DOCK3: variants seen among roughly 807,000 people sequenced by gnomAD.
DOCK3 encodes dedicator of cytokinesis 3, also known as dedicator of cytokinesis protein 3.
Under a neutral mutation model 265.6 loss-of-function variants are expected in DOCK3, and 60 were observed. The ratio of observed to expected loss-of-function variants is 0.23; its 90% CI spans 0.18 to 0.28. The LOEUF is 0.28. DOCK3 is among the 10% of genes least tolerant of loss of function. The probability of loss-of-function intolerance (pLI) is 1.00; values close to 1 mark genes in which losing one functional copy is unlikely to be tolerated. For missense variants in DOCK3, 1,981 were observed against 2,594.3 expected (o/e 0.76, Z 5.14); for synonymous variants, 881 against 938.0 (o/e 0.94, Z 1.11).
At chr3:51,247,462 AAAACAAAC>A (rs371138652) in intron 22 of DOCK3, among the ~76,000 whole-genome samples, 9 of 152,294 alleles carry the variant, frequency 5.9e-5, no homozygotes, top group Admixed American at 2.6e-4. Context: ...TTCTGCTGTT[AAAACAAAC>A]AAACAAACAA....
intron 1 of DOCK3, among the ~76,000 whole-genome samples, chr3:50,740,745 T>C (rs2038964743): frequency 6.6e-6 from 1 of 152,178 alleles, no homozygotes; most frequent in Non-Finnish European, 1.5e-5. Flanking sequence ...AATTTATTTG[T>C]CATGCATTTT....
rs761363976 is a variant in DOCK3 at position 50,912,724 on chromosome 3, GCCACAGGC to G, written c.219-21241_219-21234del. 4.6e-5 allele frequency among the ~76,000 whole-genome samples: 7 copies of G among 151,698 alleles called. 1 individual carries two copies. Among genetic ancestry groups the G allele is most frequent in the African/African-American group, 1.7e-4 (7 of 41,242 alleles). On this transcript the variant is annotated intron_variant, in intron 4 of 52. Transcript: ENST00000266037. ...GAAACCTCACCCTGTAGCCACTGCT[GCCACAGGC>G]CCACAGGCCCACAGGGAGTACTGCC...
intron 1 of DOCK3, among the ~76,000 whole-genome samples, chr3:50,709,199 C>T (rs1160303698): frequency 1.3e-5 from 2 of 152,094 alleles, no homozygotes; most frequent in Non-Finnish European, 2.9e-5. Flanking sequence ...GGATTGTTCC[C>T]TGCTAATTTA....
rs147112955 is a variant in DOCK3, at chr3:50,796,311, G to A, written c.121+17553G>A. On this transcript the variant is annotated intron_variant, in intron 2 of 52. Transcript: ENST00000266037. ...CTCCCAAAGTGCTGGGATTACAGGC[G>A]TGAGCCACCATGCCCAGCCATTTTT... Among the ~76,000 whole-genome samples, 629 of 151,832 alleles carry A rather than the reference G, an allele frequency of 4.1e-3. 34 individuals carry two copies. The East Asian group carries it at 0.093, about 23-fold the overall frequency.
intron 1 of DOCK3, among the ~76,000 whole-genome samples, chr3:50,725,171 T>C (rs549092740): frequency 6.6e-6 from 1 of 152,260 alleles, no homozygotes; most frequent in South Asian, 2.1e-4. Context: ...GAAGAATGAA[T>C]AATAACAACA....
At chr3:51,267,478 G>A (rs998346851) in intron 23 of DOCK3, among the ~76,000 whole-genome samples, 14 of 149,604 alleles carry the variant, frequency 9.4e-5, no homozygotes, top group African/African-American at 3.0e-4. Context: ...TCCACCTCCC[G>A]TGTTCAAGTG....
chr3:51,040,545 G>A (rs1264349178), intron 5 of DOCK3, among the ~76,000 whole-genome samples: 1 of 152,102 alleles, frequency 6.6e-6, no homozygotes, highest in Non-Finnish European at 1.5e-5. Context: ...GGTGATTACT[G>A]AAGGTTGGTG....
chr3:51,366,302 T>G (rs926900236), intron 49 of DOCK3, among the ~76,000 whole-genome samples: 1 of 152,216 alleles, frequency 6.6e-6, no homozygotes, highest in Non-Finnish European at 1.5e-5. Context: ...TCTCTGATGG[T>G]AGTTTGTATT....
chr3:51,187,554 C>T (rs1421182253), intron 12 of DOCK3, among the ~76,000 whole-genome samples: 2 of 151,922 alleles, frequency 1.3e-5, no homozygotes, highest in African/African-American at 4.8e-5. Context: ...TTTGGAGGAG[C>T]CAAGGGTAGA....
chr3:51,190,147 G>T (rs1010123840), intron 12 of DOCK3, among the ~76,000 whole-genome samples: 1 of 152,170 alleles, frequency 6.6e-6, no homozygotes, highest in Admixed American at 6.5e-5. Context: ...CTGCCATCTG[G>T]ATTCTTTTGT....
intron 4 of DOCK3, among the ~76,000 whole-genome samples, chr3:50,902,192 G>A (rs868554902): frequency 2.0e-4 from 31 of 152,058 alleles, no homozygotes; most frequent in Middle Eastern, 3.2e-3. Context: ...AGTTTAATTA[G>A]ATCCCATCTG....
chr3:51,177,656 G>A (rs951660250), intron 12 of DOCK3, among the ~76,000 whole-genome samples: 1 of 152,202 alleles, frequency 6.6e-6, no homozygotes, highest in Non-Finnish European at 1.5e-5. Flanking sequence ...ATCCATATCA[G>A]TTACAACAGT....
intron 4 of DOCK3, among the ~76,000 whole-genome samples, chr3:50,910,194 T>C (rs1302378673): frequency 6.6e-6 from 1 of 152,088 alleles, no homozygotes; most frequent in Non-Finnish European, 1.5e-5. Flanking sequence ...AGTTCATTAT[T>C]ACCCACCTCC....
intron 2 of DOCK3, among the ~76,000 whole-genome samples, chr3:50,806,233 A>G (rs2043405613): frequency 6.6e-6 from 1 of 151,950 alleles, no homozygotes; most frequent in Non-Finnish European, 1.5e-5. Context: ...CAGGTCTGGG[A>G]TGCAGGTGTA....
chr3:51,049,960 A>G (rs2080931541), intron 5 of DOCK3, among the ~76,000 whole-genome samples: 1 of 152,224 alleles, frequency 6.6e-6, no homozygotes, highest in South Asian at 2.1e-4. Flanking sequence ...TCCCATTTAC[A>G]ATAGCATCAA....
intron 22 of DOCK3, among the ~76,000 whole-genome samples, chr3:51,259,707 A>G (rs1467787463): frequency 2.0e-5 from 3 of 152,210 alleles, no homozygotes; most frequent in Non-Finnish European, 2.9e-5. Flanking sequence ...TTAAAGATGT[A>G]GGAGACTCCT....
At chr3:51,216,980 C>G (rs920491353) in intron 14 of DOCK3, among the ~76,000 whole-genome samples, 6 of 152,104 alleles carry the variant, frequency 3.9e-5, no homozygotes, top group African/African-American at 1.2e-4. Flanking sequence ...ATCTTCTTGA[C>G]CCATGAACAC....
intron 1 of DOCK3, among the ~76,000 whole-genome samples, chr3:50,680,512 CTT>C (rs3066820): frequency 0.84 from 61,469 of 73,372 alleles, 25,646 homozygotes; most frequent in East Asian, 0.93. Flanking sequence ...CCGTGCCCTG[CTT>C]TTTTTTTTTT....
chr3:51,077,306 T>A (rs752947041), intron 7 of DOCK3, among the ~76,000 whole-genome samples: 10 of 152,212 alleles, frequency 6.6e-5, no homozygotes, highest in Non-Finnish European at 1.2e-4. Context: ...GATTTTATTC[T>A]TAGTGTGACA....
Sources: gnomAD v4.1 joint callset for allele counts (sites outside exome capture counted in the v4.1 genomes callset) on GRCh38, gnomAD v4.1.1 for gene constraint, MANE v1.5 for transcripts, NCBI Gene and HGNC (gene_info 2026-07-23, HGNC 2026-07-21) for gene names.